Variants in HS3ST4 observed in about 807,000 individuals in gnomAD.
The protein encoded by HS3ST4 is heparan sulfate-glucosamine 3-sulfotransferase 4.
Under a neutral mutation model 29.2 loss-of-function variants are expected in HS3ST4, and 17 were observed. The observed-to-expected ratio is 0.58, with a 90% CI of 0.40 to 0.87. The LOEUF (loss-of-function observed/expected upper bound fraction) is 0.87, where lower values mean the gene tolerates loss of function less well. Among genes scored for constraint, HS3ST4 ranks in the 40% least tolerant of loss-of-function variants. The pLI, the probability that HS3ST4 is intolerant of heterozygous loss-of-function variation, is 0.00. For missense variants in HS3ST4, 627 were observed against 634.5 expected (o/e 0.99, Z 0.13); for synonymous variants, 314 against 285.7 (o/e 1.10, Z -1.00).
intron 1 of HS3ST4, among the ~76,000 whole-genome samples, chr16:26,015,004 T>C (rs1054453648): frequency 6.6e-6 from 1 of 152,182 alleles, no homozygotes; most frequent in African/African-American, 2.4e-5. Context: ...GGCAAATTGT[T>C]GAAGAAAAGA....
At chr16:26,016,203 A>C (rs984228156) in intron 1 of HS3ST4, among the ~76,000 whole-genome samples, 1 of 152,180 alleles carries the variant, frequency 6.6e-6, no homozygotes, top group Non-Finnish European at 1.5e-5. Context: ...GTGTGCTCTG[A>C]TGAGGCTGTT....
chr16:25,928,141 A>G (rs1260872977), intron 1 of HS3ST4, among the ~76,000 whole-genome samples: 1 of 151,406 alleles, frequency 6.6e-6, no homozygotes, highest in Non-Finnish European at 1.5e-5. Flanking sequence ...GGCTGCAATA[A>G]GCTATGATCA....
intron 1 of HS3ST4, among the ~76,000 whole-genome samples, chr16:25,828,284 CTT>C (rs1403789752): frequency 4.5e-5 from 4 of 89,452 alleles, no homozygotes; most frequent in South Asian, 4.5e-4. Flanking sequence ...TTCTTTCTTT[CTT>C]TCTTTCTTTC....
At chr16:25,936,237 A>G (rs1463936428) in intron 1 of HS3ST4, among the ~76,000 whole-genome samples, 1 of 152,156 alleles carries the variant, frequency 6.6e-6, no homozygotes, top group Non-Finnish European at 1.5e-5. Context: ...TCCTTTAATG[A>G]TCCTTGGGGT....
intron 1 of HS3ST4, among the ~76,000 whole-genome samples, chr16:25,762,852 G>C (rs1966796530): frequency 7.0e-6 from 1 of 142,524 alleles, no homozygotes; most frequent in South Asian, 2.3e-4. Context: ...ACTCCAGCCT[G>C]GGTGACAGAG....
At chr16:25,943,800 C>T (rs1273145133) in intron 1 of HS3ST4, among the ~76,000 whole-genome samples, 2 of 152,146 alleles carry the variant, frequency 1.3e-5, no homozygotes, top group South Asian at 2.1e-4. Context: ...ATCCTCACAA[C>T]AACGTGGTGA....
At chr16:26,027,223 G>A (rs1344628532) in intron 1 of HS3ST4, among the ~76,000 whole-genome samples, 2 of 152,200 alleles carry the variant, frequency 1.3e-5, no homozygotes, top group Non-Finnish European at 2.9e-5. Flanking sequence ...ACTACAGATA[G>A]TTCCATTCAT....
At chr16:25,827,885 T>A (rs1967236466) in intron 1 of HS3ST4, among the ~76,000 whole-genome samples, 1 of 152,320 alleles carries the variant, frequency 6.6e-6, no homozygotes, top group African/African-American at 2.4e-5. Context: ...TGTCACAAGC[T>A]ACGGAGCTAG....
chr16:25,732,324 T>C (rs932139877), intron 1 of HS3ST4, among the ~76,000 whole-genome samples: 1 of 152,198 alleles, frequency 6.6e-6, no homozygotes, highest in Non-Finnish European at 1.5e-5. Context: ...CTTTTTACAT[T>C]GTAGGAATTA....
chr16:26,096,321 T>A (rs1331300012), intron 1 of HS3ST4, among the ~76,000 whole-genome samples: 1 of 152,136 alleles, frequency 6.6e-6, no homozygotes, highest in East Asian at 1.9e-4. Context: ...ATATCCCTGA[T>A]AAATATCAAT....
chr16:25,986,492 C>T (rs945164164), intron 1 of HS3ST4, among the ~76,000 whole-genome samples: 5 of 152,226 alleles, frequency 3.3e-5, no homozygotes, highest in Non-Finnish European at 4.4e-5. Flanking sequence ...AGCCCAAATT[C>T]TCTTGTGTCC....
At chr16:25,872,023 T>TA (rs1357332047) in intron 1 of HS3ST4, among the ~76,000 whole-genome samples, 1 of 152,184 alleles carries the variant, frequency 6.6e-6, no homozygotes, top group Non-Finnish European at 1.5e-5. Context: ...CAGCTCCTGA[T>TA]ACAACCACTT....
At chr16:25,874,920 T>G (rs567853260) in intron 1 of HS3ST4, among the ~76,000 whole-genome samples, 2 of 152,286 alleles carry the variant, frequency 1.3e-5, no homozygotes, top group East Asian at 3.9e-4. Flanking sequence ...TATCTGTACA[T>G]GGGATTAATA....
intron 1 of HS3ST4, among the ~76,000 whole-genome samples, chr16:25,842,129 G>A (rs1967420584): frequency 6.6e-6 from 1 of 152,220 alleles, no homozygotes; most frequent in African/African-American, 2.4e-5. Flanking sequence ...TGCAGAGCAT[G>A]CCCTTTTCCA....
At chr16:25,818,817 A>C (rs1330346453) in intron 1 of HS3ST4, among the ~76,000 whole-genome samples, 1 of 151,016 alleles carries the variant, frequency 6.6e-6, no homozygotes, top group Non-Finnish European at 1.5e-5. Context: ...TTTTATTCCC[A>C]CTTTTTTTTT....
At chr16:25,910,668 A>G (rs893502807) in intron 1 of HS3ST4, among the ~76,000 whole-genome samples, 23 of 152,072 alleles carry the variant, frequency 1.5e-4, no homozygotes, top group Non-Finnish European at 4.4e-5. Flanking sequence ...AAGTTAAACA[A>G]AAAAAACAAG....
intron 1 of HS3ST4, among the ~76,000 whole-genome samples, chr16:25,799,547 A>G (rs1448703185): frequency 6.6e-6 from 1 of 152,106 alleles, no homozygotes; most frequent in Non-Finnish European, 1.5e-5. Flanking sequence ...AATTTAAATG[A>G]TATCATATTA....
chr16:25,750,952 A>G (rs956953969), intron 1 of HS3ST4, among the ~76,000 whole-genome samples: 2 of 152,190 alleles, frequency 1.3e-5, no homozygotes, highest in Admixed American at 6.5e-5. Flanking sequence ...TTATGTTTGA[A>G]AACTTCAGGG....
intron 1 of HS3ST4, among the ~76,000 whole-genome samples, chr16:25,923,826 C>T (rs185313154): frequency 6.6e-5 from 10 of 152,086 alleles, no homozygotes; most frequent in African/African-American, 2.4e-4. Flanking sequence ...CGTTGGGTTG[C>T]GGGGAGCATT....
Sources: gnomAD v4.1 joint callset for allele counts (sites outside exome capture counted in the v4.1 genomes callset) on GRCh38, gnomAD v4.1.1 for gene constraint, MANE v1.5 for transcripts, NCBI Gene and HGNC (gene_info 2026-07-23, HGNC 2026-07-21) for gene names.